The following HS6ST3 variants were observed in gnomAD, a reference collection of about 807,000 sequenced individuals.
HS6ST3 encodes heparan sulfate 6-O-sulfotransferase 3, also known as heparan-sulfate 6-O-sulfotransferase 3.
In HS6ST3, 12 loss-of-function variants were observed where a neutral mutation model predicts 36.7. The ratio of observed to expected loss-of-function variants is 0.33; its 90% CI spans 0.21 to 0.53. The LOEUF is 0.53. Ranked by LOEUF, HS6ST3 falls within the 20% of genes least tolerant of loss-of-function variation. HS6ST3 has a pLI of 0.95. For synonymous variants in HS6ST3, 240 were observed against 257.5 expected (o/e 0.93, Z 0.65); for missense variants, 584 against 640.9 (o/e 0.91, Z 0.96).
In HS6ST3 at chr13:96,837,971, T is replaced by C. The variant is rs1878977447; in HGVS notation, c.*4773T>C. 2 of 152,212 alleles carry C rather than the reference T, an allele frequency of 1.3e-5. No homozygotes were observed. Among genetic ancestry groups the C allele is most frequent in the African/African-American group, 4.8e-5 (2 of 41,452 alleles). The allele number at this position is 152,212 out of a possible 1,614,324, so 9.4% of individuals were successfully genotyped here. ...TGGCTGTTAAATGAGTCCCTTTGCATACTCACTGGAGAGAGGAAATGCTTT... is the reference window on the plus strand; with the variant it reads ...TGGCTGTTAAATGAGTCCCTTTGCACACTCACTGGAGAGAGGAAATGCTTT... On this transcript the variant is annotated 3_prime_UTR_variant, in exon 2 of 2. Transcript: ENST00000376705.
intron 1 of HS6ST3, among the ~76,000 whole-genome samples, chr13:96,232,405 G>C (rs2054513130): frequency 6.6e-6 from 1 of 152,152 alleles, no homozygotes; most frequent in Admixed American, 6.5e-5. Context: ...TCTGAGAAAT[G>C]TCCTACAAAG....
rs532082909 is a variant in HS6ST3 at position 96,794,301 on chromosome 13, T to A, written c.708-38189T>A. Among the ~76,000 whole-genome samples the A allele has an allele frequency of 3.9e-5, 6 of 152,190 alleles. No individual in the cohort carries two copies. The South Asian group carries it at 1.2e-3, about 32-fold the overall frequency. Reference sequence around the variant, plus strand: ...GTGAAAATCTAAAACTCTTAACTTATAAGTATATGCAAAACACATCTGATA... The same window carrying A: ...GTGAAAATCTAAAACTCTTAACTTAAAAGTATATGCAAAACACATCTGATA... On this transcript the variant is annotated intron_variant, in intron 1 of 1. Coordinates refer to ENST00000376705, the MANE Select transcript of HS6ST3 (RefSeq NM_153456.4).
chr13:96,834,959 C>G lies in HS6ST3; in HGVS notation c.*1761C>G, dbSNP rs1003691398. 1 of 152,448 alleles carries G rather than the reference C, an allele frequency of 6.6e-6. No individual in the cohort carries two copies. 9.4% of individuals were successfully genotyped at this position (152,448 alleles called of 1,614,324 possible). On this transcript the variant is annotated 3_prime_UTR_variant, in exon 2 of 2. Transcript: ENST00000376705. ...CCCTTGCTCCAGGAACTGAACGAGG[C>G]CCTTTTCATACCTTAAATATATTCT...
At chr13:96,515,121 TC>T (rs894298987) in intron 1 of HS6ST3, among the ~76,000 whole-genome samples, 1 of 152,190 alleles carries the variant, frequency 6.6e-6, no homozygotes, top group African/African-American at 2.4e-5. Context: ...GCGCACACCT[TC>T]CCTGGAGTCC....
intron 1 of HS6ST3, among the ~76,000 whole-genome samples, chr13:96,563,245 T>G (rs1325563195): frequency 6.6e-6 from 1 of 152,126 alleles, no homozygotes; most frequent in Non-Finnish European, 1.5e-5. Flanking sequence ...TCTCAGACCC[T>G]ATTCCTGGTT....
chr13:96,100,154 A>G (rs1368507271), intron 1 of HS6ST3, among the ~76,000 whole-genome samples: 1 of 152,194 alleles, frequency 6.6e-6, no homozygotes, highest in African/African-American at 2.4e-5. Context: ...AATATTGAAC[A>G]TAGAAGACAG....
intron 1 of HS6ST3, among the ~76,000 whole-genome samples, chr13:96,417,178 T>C (rs1373163312): frequency 4.6e-5 from 7 of 152,228 alleles, no homozygotes. Flanking sequence ...TCTTCTTTTT[T>C]TCTTGGAGGT....
rs541286992 is a variant in HS6ST3 at position 96,167,293 on chromosome 13, C to T, written c.707+75724C>T. 9.2e-5 allele frequency among the ~76,000 whole-genome samples: 14 copies of T among 152,226 alleles called. 1 individual carries two copies. Among genetic ancestry groups the T allele is most frequent in the African/African-American group, 2.9e-4 (12 of 41,532 alleles). ...ACACATTGCTGGCACACAGTAAGTA[C>T]GTATAAATGGTAGCCATTATTAAGA... On this transcript the variant is annotated intron_variant, in intron 1 of 1. Coordinates refer to ENST00000376705, the MANE Select transcript of HS6ST3 (RefSeq NM_153456.4).
At chr13:96,818,421 G>A (rs1566461282) in intron 1 of HS6ST3, among the ~76,000 whole-genome samples, 1 of 152,114 alleles carries the variant, frequency 6.6e-6, no homozygotes, top group East Asian at 1.9e-4. Flanking sequence ...GCATAATTTG[G>A]TTTTCCCTAG....
chr13:96,315,718 T>C (rs915077279), intron 1 of HS6ST3, among the ~76,000 whole-genome samples: 6 of 152,210 alleles, frequency 3.9e-5, no homozygotes, highest in Non-Finnish European at 8.8e-5. Context: ...GTTAATCATA[T>C]GGCTGTATGT....
intron 1 of HS6ST3, among the ~76,000 whole-genome samples, chr13:96,505,682 T>C (rs1397363508): frequency 1.3e-5 from 2 of 152,138 alleles, no homozygotes; most frequent in Admixed American, 6.6e-5. Context: ...AGACTTCTAG[T>C]TATTTGATGA....
intron 1 of HS6ST3, among the ~76,000 whole-genome samples, chr13:96,316,921 C>T (rs1489767285): frequency 2.0e-5 from 3 of 151,986 alleles, no homozygotes; most frequent in Non-Finnish European, 2.9e-5. Flanking sequence ...ATTCTATAAG[C>T]GCCTTCCACA....
chr13:96,105,994 A>G (rs2053839813), intron 1 of HS6ST3, among the ~76,000 whole-genome samples: 1 of 152,268 alleles, frequency 6.6e-6, no homozygotes, highest in Non-Finnish European at 1.5e-5. Context: ...CAAGGCAGGC[A>G]GTGAAGGGTT....
chr13:96,615,074 T>G (rs895046521), intron 1 of HS6ST3, among the ~76,000 whole-genome samples: 6 of 152,144 alleles, frequency 3.9e-5, no homozygotes, highest in Non-Finnish European at 8.8e-5. Flanking sequence ...TCATCTTAGG[T>G]TTTATGATTT....
At chr13:96,634,991 G>A (rs775960476) in intron 1 of HS6ST3, among the ~76,000 whole-genome samples, 7 of 151,986 alleles carry the variant, frequency 4.6e-5, no homozygotes, top group Non-Finnish European at 1.0e-4. Context: ...TCTAACCAAG[G>A]ACAATGTCAT....
At chr13:96,571,031 G>A (rs1486642577) in intron 1 of HS6ST3, among the ~76,000 whole-genome samples, 1 of 152,140 alleles carries the variant, frequency 6.6e-6, no homozygotes, top group Non-Finnish European at 1.5e-5. Flanking sequence ...AAAGTTATTG[G>A]TGAAGCATCT....
At chr13:96,388,922 T>G (rs2055381957) in intron 1 of HS6ST3, among the ~76,000 whole-genome samples, 2 of 152,174 alleles carry the variant, frequency 1.3e-5, no homozygotes, top group South Asian at 4.1e-4. Context: ...TAAACCTCTT[T>G]CCTTTAAGTT....
intron 1 of HS6ST3, among the ~76,000 whole-genome samples, chr13:96,734,232 A>C (rs1265945357): frequency 1.3e-5 from 2 of 152,224 alleles, no homozygotes; most frequent in Non-Finnish European, 2.9e-5. Flanking sequence ...CTCACAAGTA[A>C]GTGCTGCACA....
rs682645 is a variant in HS6ST3 at position 96,631,866 on chromosome 13, C to G, written c.708-200624C>G. Among the ~76,000 whole-genome samples, 37 of 152,168 alleles carry G rather than the reference C, an allele frequency of 2.4e-4. 1 individual carries two copies. The highest frequency in any genetic ancestry group is 8.9e-4 in the African/African-American group (37 of 41,426). ...ACGAAAACTGCCTTGAAATCAAAAT[C>G]AGAGACTCAATGCCAAAGCAGGGTG... On this transcript the variant is annotated intron_variant, in intron 1 of 1. Transcript: ENST00000376705.
Sources: gnomAD v4.1 joint callset for allele counts (sites outside exome capture counted in the v4.1 genomes callset) on GRCh38, gnomAD v4.1.1 for gene constraint, MANE v1.5 for transcripts, NCBI Gene and HGNC (gene_info 2026-07-23, HGNC 2026-07-21) for gene names.